The following GDPD3 variants were observed in gnomAD, a reference collection of about 807,000 sequenced individuals.
GDPD3 encodes glycerophosphodiester phosphodiesterase domain containing 3.
Under a neutral mutation model 43.7 loss-of-function variants are expected in GDPD3, and 40 were observed. The observed-to-expected ratio is 0.91, with a 90% CI of 0.71 to 1.19. The LOEUF (loss-of-function observed/expected upper bound fraction) is 1.19. Among genes scored for constraint, GDPD3 ranks in the 50% most tolerant of loss-of-function variants. The pLI, the probability that GDPD3 is intolerant of heterozygous loss-of-function variation, is 0.00. For synonymous variants in GDPD3, 145 were observed against 162.9 expected (o/e 0.89, Z 0.84); for missense variants, 363 against 415.8 (o/e 0.87, Z 1.11).
chr16:30,112,688 T>C lies in GDPD3; in HGVS notation c.288A>G (p.Leu96=). 1.2e-6 allele frequency: 2 copies of C among 1,614,024 alleles called. No homozygotes were observed. The highest frequency in any genetic ancestry group is 2.2e-5 in the East Asian group (1 of 44,870). The change falls in exon 3 of 10, where the codon CTA becomes CTG. Residue 96 remains leucine, a synonymous_variant. Coordinates refer to ENST00000406256, the MANE Select transcript of GDPD3 (RefSeq NM_024307.3). The surrounding 1 kb of genome is among the most constrained non-coding windows in gnomAD (Gnocchi z 5.4). ...AGTCCAGGCTGCCCACATCCCTGTT[T>C]AGGCCCGACTGGCGGCACAGGTTCT... The part of the protein sequence containing the change: ...HDENLCRQSG[L]NRDVGSLDFE...
rs1026458924 is a variant in GDPD3, at chr16:30,111,458, G to C, written c.637C>G (p.Leu213Val). ...ATTGGGATGAAGGGCAGCAGCCCCA[G>C]GTAGTAGGAAAGCAGCACCCAGAAT... is the stretch of plus-strand genomic sequence containing the variant. ...RGFWVLLSYY[L>V]GLLPFIPIPE... Residue 213 changes from leucine to valine, a missense_variant, in exon 7 of 10, where the codon CTG becomes GTG. Leu to Val is a conservative substitution (Grantham distance 32). Coordinates refer to ENST00000406256, the MANE Select transcript of GDPD3 (RefSeq NM_024307.3). The C allele has an allele frequency of 2.2e-5, 35 of 1,614,012 alleles. No homozygotes were observed. The highest frequency in any genetic ancestry group is 2.9e-5 in the Non-Finnish European group (34 of 1,179,958).
chr16:30,112,062 TG>T lies in GDPD3; in HGVS notation c.573+69del. 1 of 1,254,350 alleles carries T rather than the reference TG, an allele frequency of 8.0e-7. No homozygotes were observed. The highest frequency in any genetic ancestry group is 2.4e-5 in the East Asian group (1 of 42,286). The allele number at this position is 1,254,350 out of a possible 1,614,324, so 77.7% of individuals were successfully genotyped here. A position where few individuals can be genotyped will look rare whatever the true frequency, so the allele number is the denominator to read the frequency against. On this transcript the variant is annotated intron_variant, in intron 6 of 9. Transcript: ENST00000406256. This position sits in a 1 kb window ranked among gnomAD's most constrained non-coding sequence, Gnocchi z 5.4. The stretch of plus-strand genomic sequence containing the variant: ...CTCTAGCTCGGGTCCCCATGCTGGG[TG>T]GGCTCCAGCTCTGGGGAGGAGGGGC...
At chr16:30,108,827 TTTAAA>T (rs757272606) in intron 7 of GDPD3, among the ~76,000 whole-genome samples, 15 of 151,890 alleles carry the variant, frequency 9.9e-5, no homozygotes, top group East Asian at 1.9e-4. Context: ...TTATTATTAA[TTTAAA>T]TTAATTTTTT....
rs1263964480 is a variant in GDPD3 at position 30,113,448 on chromosome 16, C to T, written c.31G>A (p.Ala11Thr). 4 of 1,607,330 alleles carry T rather than the reference C, an allele frequency of 2.5e-6. No individual in the cohort carries two copies. The highest frequency in any genetic ancestry group is 2.2e-5 in the South Asian group (2 of 90,392). MSLLLYYALP[A>T]LGSYAMLSIF... ...GAGAGCATGGCATAGCTGCCCAGGG[C>T]AGGGAGGGCATAGTACAGCAAAAGG... The change falls in exon 1 of 10, where the codon GCC becomes ACC. Residue 11 changes from alanine (A) to threonine (T), a missense_variant. Physicochemically the swap from Ala to Thr is moderately conservative, Grantham distance 58 (BLOSUM62 0). Transcript: ENST00000406256. The surrounding 1 kb of genome is among the most constrained non-coding windows in gnomAD (Gnocchi z 5.9).
rs1029240426 is a variant in GDPD3 at position 30,108,018 on chromosome 16, G to C, written c.819+195C>G. ...ACACACACACACACACACACACACA[G>C]AAGAAGAAAATTGTGTGTGTTCGTG... On this transcript the variant is annotated intron_variant, in intron 9 of 9. Transcript: ENST00000406256. 197 of 501,934 alleles carry C rather than the reference G, an allele frequency of 3.9e-4. 1 individual carries two copies. Among genetic ancestry groups the C allele is most frequent in the African/African-American group, 2.6e-3 (113 of 43,512 alleles). 31.1% of individuals were successfully genotyped at this position (501,934 alleles called of 1,614,324 possible).
rs151331361 is a variant in GDPD3 at position 30,108,188 on chromosome 16, G to A, written c.819+25C>T. Reference sequence around the variant, plus strand: ...AACCCTGCTGCCAGGTCTGTGTGCGGTGGAAGTGGTGGTCACGGCCTCACC... The same window carrying A: ...AACCCTGCTGCCAGGTCTGTGTGCGATGGAAGTGGTGGTCACGGCCTCACC... On this transcript the variant is annotated intron_variant, in intron 9 of 9. Transcript: ENST00000406256. 6.5e-4 allele frequency: 1,021 copies of A among 1,565,536 alleles called. 7 individuals are homozygous for A. In the African/African-American group the frequency reaches 0.011, roughly 16 times the overall value.
rs1329912820 is a variant in GDPD3, at chr16:30,113,308, T to A, written c.139+32A>T. 5 of 1,566,438 alleles carry A rather than the reference T, an allele frequency of 3.2e-6. No individual in the cohort carries two copies. The South Asian group carries it at 5.9e-5, about 19-fold the overall frequency. Reference sequence around the variant, plus strand: ...GACCTACCCCTCTGTGCTGTCCACTTTGGCACCTGTTCTCACCCCTACCCG... The same window carrying A: ...GACCTACCCCTCTGTGCTGTCCACTATGGCACCTGTTCTCACCCCTACCCG... On this transcript the variant is annotated intron_variant, in intron 1 of 9. Coordinates refer to ENST00000406256, the MANE Select transcript of GDPD3 (RefSeq NM_024307.3). This position sits in a 1 kb window ranked among gnomAD's most constrained non-coding sequence, Gnocchi z 5.9.
chr16:30,107,986 GACACACACACAC>G (rs113091799), intron 9 of GDPD3: 7 of 269,288 alleles, frequency 2.6e-5, no homozygotes, highest in Middle Eastern at 1.1e-3. Context: ...TGAGACTCTT[GACACACACACAC>G]ACACACACAC....
rs193065731 is a variant in GDPD3 at position 30,105,892 on chromosome 16, A to G, written c.820-883T>C. On this transcript the variant is annotated intron_variant, in intron 9 of 9. Coordinates refer to ENST00000406256, the MANE Select transcript of GDPD3 (RefSeq NM_024307.3). ...TTGGGAGGCCGAGGCAGGCAGATCAACTAAGGTCAGGAGTTCGAGACCAGC... is the reference window on the plus strand; with the variant it reads ...TTGGGAGGCCGAGGCAGGCAGATCAGCTAAGGTCAGGAGTTCGAGACCAGC... Among the ~76,000 whole-genome samples the G allele has an allele frequency of 3.6e-4, 54 of 151,604 alleles. No homozygotes were observed. In the East Asian group the frequency reaches 0.01, roughly 28 times the overall value.
chr16:30,111,596 C>G, intron 6 of GDPD3, 75 bp from the exon 7 acceptor site: 1 of 1,517,404 alleles, frequency 6.6e-7, no homozygotes, highest in Non-Finnish European at 9.0e-7. Context: ...TGCAGGGGAG[C>G]CGTGGTGGGC....
intron 6 of GDPD3, chr16:30,111,911 C>T (rs1396089276): frequency 1.2e-5 from 7 of 584,036 alleles, no homozygotes; most frequent in East Asian, 8.7e-5. Context: ...CCAGCCTGGG[C>T]GACAGAGAGA....
chr16:30,111,345 T>C (rs368545334), intron 7 of GDPD3, 43 bp downstream of exon 7: 11 of 1,606,772 alleles, frequency 6.8e-6, no homozygotes, highest in Admixed American at 3.4e-5. Flanking sequence ...ACGGAGACCC[T>C]AAGCAGTGGG....
chr16:30,110,653 C>T (rs2072892162), intron 7 of GDPD3: 1 of 151,662 alleles, frequency 6.6e-6, no homozygotes, highest in Non-Finnish European at 1.5e-5. Context: ...GGGAGGCTCG[C>T]TTGAGCTGAG....
intron 7 of GDPD3, chr16:30,110,860 C>CAAATAAAAAAAAAAAAAAA (rs2072893521): frequency 1.1e-5 from 1 of 88,532 alleles, no homozygotes; most frequent in Non-Finnish European, 2.0e-5. Flanking sequence ...AAGACTGTCT[C>CAAATAAAAAAAAAAAAAAA]AAAAAAAAAA....
intron 9 of GDPD3, 197 bp downstream of exon 9, chr16:30,108,016 C>CAGA (rs1256960072): frequency 1.9e-6 from 1 of 523,960 alleles, no homozygotes; most frequent in Non-Finnish European, 3.4e-6. Context: ...CACACACACA[C>CAGA]AGAAGAAGAA....
Position 30,113,527 on chromosome 16 carries a change from G to C in GDPD3, c.-49C>G, listed in dbSNP as rs747703291. 11 of 1,489,292 alleles carry C rather than the reference G, an allele frequency of 7.4e-6. No homozygotes were observed. In the African/African-American group the frequency reaches 1.4e-4, roughly 19 times the overall value. 92.3% of individuals were successfully genotyped at this position (1,489,292 alleles called of 1,614,324 possible). ...TGCAGCCACACGCTCAGCCGTCCGC[G>C]GGACTGTGCTGCCTGCCTAGCCAGT... On this transcript the variant is annotated 5_prime_UTR_variant, in exon 1 of 10. Transcript: ENST00000406256. The surrounding 1 kb of genome is among the most constrained non-coding windows in gnomAD (Gnocchi z 5.9).
chr16:30,110,163 G>C (rs1031343419), intron 7 of GDPD3, among the ~76,000 whole-genome samples: 2 of 152,038 alleles, frequency 1.3e-5, no homozygotes, highest in Non-Finnish European at 2.9e-5. Context: ...AAGGCCGGGC[G>C]CAGTGGGTCA....
At chr16:30,108,192 A>T in intron 9 of GDPD3, 21 bp downstream of exon 9, 1 of 1,569,070 alleles carries the variant, frequency 6.4e-7, no homozygotes, top group Non-Finnish European at 8.7e-7. Context: ...TGTGCGGTGG[A>T]AGTGGTGGTC....
chr16:30,109,422 T>C (rs946443068), intron 7 of GDPD3, among the ~76,000 whole-genome samples: 1 of 152,100 alleles, frequency 6.6e-6, no homozygotes, highest in Non-Finnish European at 1.5e-5. Context: ...GGCAGGAGAA[T>C]TGCTTGAACC....
Sources: gnomAD v4.1 joint callset for allele counts (sites outside exome capture counted in the v4.1 genomes callset) on GRCh38, gnomAD v4.1.1 for gene constraint, Gnocchi (gnomAD v3.1) non-coding constraint, MANE v1.5 for transcripts, NCBI Gene and HGNC (gene_info 2026-07-23, HGNC 2026-07-21) for gene names.